Variants in HS3ST4 observed in about 807,000 individuals in gnomAD.
HS3ST4 encodes the protein heparan sulfate-glucosamine 3-sulfotransferase 4.
A neutral mutation model predicts 29.2 loss-of-function variants in HS3ST4; 17 were observed. That is an observed-to-expected ratio of 0.58 (90% CI 0.40 to 0.87). HS3ST4 has a LOEUF of 0.87. Among genes scored for constraint, HS3ST4 ranks in the 40% least tolerant of loss-of-function variants. HS3ST4 has a pLI of 0.00. For missense variants in HS3ST4, 627 were observed against 634.5 expected, an observed-to-expected ratio of 0.99 and a Z score of 0.13; for synonymous variants, 314 against 285.7, an observed-to-expected ratio of 1.10 and a Z score of -1.00.
At chr16:25,859,382 C>A (rs1003642933) in intron 1 of HS3ST4, among the ~76,000 whole-genome samples, 4 of 152,190 alleles carry the variant, frequency 2.6e-5, no homozygotes, top group Admixed American at 1.3e-4. Context: ...TATAGCTGAG[C>A]AAACCAAGGC....
intron 1 of HS3ST4, among the ~76,000 whole-genome samples, chr16:26,072,166 G>A (rs1463284417): frequency 6.6e-6 from 1 of 152,152 alleles, no homozygotes; most frequent in East Asian, 1.9e-4. Flanking sequence ...TTGTTGTGTG[G>A]CCTTCAGCAA....
chr16:25,969,345 C>T (rs1030319709), intron 1 of HS3ST4, among the ~76,000 whole-genome samples: 1 of 152,188 alleles, frequency 6.6e-6, no homozygotes, highest in Non-Finnish European at 1.5e-5. Context: ...TTGAGACAGA[C>T]AGTTTTCTCA....
intron 1 of HS3ST4, among the ~76,000 whole-genome samples, chr16:25,706,544 C>G (rs372961819): frequency 9.2e-5 from 14 of 152,198 alleles, no homozygotes; most frequent in Middle Eastern, 6.8e-3. Context: ...CTCCCCACCC[C>G]CCGACAGGCC....
chr16:25,974,702 T>C (rs529999204), intron 1 of HS3ST4, among the ~76,000 whole-genome samples: 1 of 152,332 alleles, frequency 6.6e-6, no homozygotes, highest in East Asian at 1.9e-4. Context: ...GCAATTTTAA[T>C]TTTCTTTGTA....
chr16:26,037,860 G>C (rs1318735846), intron 1 of HS3ST4, among the ~76,000 whole-genome samples: 1 of 152,114 alleles, frequency 6.6e-6, no homozygotes. Context: ...CTGGTGAGCT[G>C]GCCCCCATGT....
intron 1 of HS3ST4, among the ~76,000 whole-genome samples, chr16:25,943,119 A>G (rs2141693182): frequency 6.6e-6 from 1 of 152,268 alleles, no homozygotes; most frequent in South Asian, 2.1e-4. Flanking sequence ...TATCAACTAT[A>G]TTTTATTTTA....
chr16:25,876,815 C>T (rs1357295526), intron 1 of HS3ST4, among the ~76,000 whole-genome samples: 1 of 152,066 alleles, frequency 6.6e-6, no homozygotes, highest in Non-Finnish European at 1.5e-5. Flanking sequence ...TTCAGTTGTT[C>T]TCTCCTATCT....
intron 1 of HS3ST4, among the ~76,000 whole-genome samples, chr16:25,703,910 T>C (rs949397238): frequency 1.3e-5 from 2 of 152,236 alleles, no homozygotes; most frequent in African/African-American, 4.8e-5. Context: ...ACTTCTGAGC[T>C]TGTTATGCTG....
At chr16:25,994,230 A>G (rs1969140017) in intron 1 of HS3ST4, among the ~76,000 whole-genome samples, 1 of 151,946 alleles carries the variant, frequency 6.6e-6, no homozygotes, top group South Asian at 2.1e-4. Flanking sequence ...TTAGTACCTT[A>G]TTTTATTTAA....
intron 1 of HS3ST4, among the ~76,000 whole-genome samples, chr16:26,062,526 C>A (rs1898487635): frequency 1.3e-5 from 2 of 152,084 alleles, no homozygotes; most frequent in Admixed American, 6.6e-5. Context: ...TGTACCTGAA[C>A]CTTGGCCCGA....
At chr16:26,051,399 A>G (rs1898344243) in intron 1 of HS3ST4, among the ~76,000 whole-genome samples, 1 of 152,186 alleles carries the variant, frequency 6.6e-6, no homozygotes, top group Admixed American at 6.5e-5. Flanking sequence ...GCATGATTCC[A>G]GGAAGCCCAC....
At chr16:25,942,005 C>T (rs1002966297) in intron 1 of HS3ST4, among the ~76,000 whole-genome samples, 12 of 152,138 alleles carry the variant, frequency 7.9e-5, no homozygotes, top group Non-Finnish European at 1.8e-4. Context: ...TGTTTAATGA[C>T]TCAACAAAGG....
At chr16:26,005,189 T>G (rs1252900107) in intron 1 of HS3ST4, among the ~76,000 whole-genome samples, 1 of 152,144 alleles carries the variant, frequency 6.6e-6, no homozygotes, top group African/African-American at 2.4e-5. Flanking sequence ...AAATCCACAG[T>G]AGGAGGAGAT....
chr16:25,802,475 A>AT lies in HS3ST4; in HGVS notation c.734+109330dup, dbSNP rs544371691. Among the ~76,000 whole-genome samples the AT allele has an allele frequency of 4.4e-3, 675 of 152,064 alleles. 4 individuals carry two copies. Among genetic ancestry groups the AT allele is most frequent in the Admixed American group, 0.016 (249 of 15,260 alleles). On this transcript the variant is annotated intron_variant, in intron 1 of 1. Transcript: ENST00000331351. ...TCAGTATACAGCGGCAAATACAACA[A>AT]TTTTTTACTGTTCCCTTCTGTTATA...
chr16:25,809,726 G>A (rs577639907), intron 1 of HS3ST4, among the ~76,000 whole-genome samples: 1 of 152,050 alleles, frequency 6.6e-6, no homozygotes, highest in Non-Finnish European at 1.5e-5. Context: ...TTTGAGTTTT[G>A]TTAGTGGCTT....
chr16:25,725,582 A>G lies in HS3ST4; in HGVS notation c.734+32431A>G, dbSNP rs377731602. Among the ~76,000 whole-genome samples, 190 of 152,124 alleles carry G rather than the reference A, an allele frequency of 1.2e-3. 1 individual carries two copies. The East Asian group carries it at 0.026, about 21-fold the overall frequency. The stretch of plus-strand genomic sequence containing the variant: ...TTTGAGATAATACTAATAGTTAAAT[A>G]TATATGCACATATACTAATTTGCAT... On this transcript the variant is annotated intron_variant, in intron 1 of 1. Coordinates refer to ENST00000331351, the MANE Select transcript of HS3ST4 (RefSeq NM_006040.3).
At chr16:26,048,921 T>A (rs1431143630) in intron 1 of HS3ST4, among the ~76,000 whole-genome samples, 1 of 152,170 alleles carries the variant, frequency 6.6e-6, no homozygotes, top group Non-Finnish European at 1.5e-5. Context: ...ATGTGTTAGT[T>A]GATCATACTA....
chr16:26,034,848 TG>T (rs1214735770), intron 1 of HS3ST4, among the ~76,000 whole-genome samples: 1 of 152,038 alleles, frequency 6.6e-6, no homozygotes, highest in Non-Finnish European at 1.5e-5. Flanking sequence ...CTGGGTGTGG[TG>T]GTGTGCACCT....
intron 1 of HS3ST4, among the ~76,000 whole-genome samples, chr16:25,860,404 C>A (rs1967624724): frequency 6.6e-6 from 1 of 152,192 alleles, no homozygotes; most frequent in Non-Finnish European, 1.5e-5. Context: ...AAAACCTGCA[C>A]ATGAGTGTTT....
Sources: allele counts gnomAD v4.1 joint callset (sites outside exome capture counted in the v4.1 genomes callset), GRCh38; gene constraint gnomAD v4.1.1; transcripts MANE v1.5; gene names NCBI Gene and HGNC (gene_info 2026-07-23, HGNC 2026-07-21).